UAP1: variants seen among roughly 807,000 people sequenced by gnomAD.
UAP1 encodes the protein UDP-N-acetylhexosamine pyrophosphorylase.
In UAP1, 25 loss-of-function variants were observed where a neutral mutation model predicts 58.5. The observed-to-expected ratio is 0.43, with a 90% CI of 0.31 to 0.60. The LOEUF is 0.60. Among genes scored for constraint, UAP1 ranks in the 20% least tolerant of loss-of-function variants. The probability of loss-of-function intolerance (pLI) is 0.11; values close to 1 mark genes in which losing one functional copy is unlikely to be tolerated. For missense variants in UAP1, 575 were observed against 630.0 expected, an observed-to-expected ratio of 0.91 and a Z score of 0.93; for synonymous variants, 208 against 213.0, an observed-to-expected ratio of 0.98 and a Z score of 0.21.
intron 2 of UAP1, among the ~76,000 whole-genome samples, chr1:162,573,693 G>T (rs1018076663): frequency 6.6e-6 from 1 of 152,080 alleles, no homozygotes; most frequent in African/African-American, 2.4e-5. Flanking sequence ...GGCTGGGCAG[G>T]GTGGCTCATA....
At chr1:162,581,011 A>G (rs1325964406) in intron 4 of UAP1, among the ~76,000 whole-genome samples, 1 of 152,208 alleles carries the variant, frequency 6.6e-6, no homozygotes, top group East Asian at 1.9e-4. Context: ...ATATATTACT[A>G]AAAGGGGCTG....
At chr1:162,598,398 A>T (rs1655738328) in intron 10 of UAP1, among the ~76,000 whole-genome samples, 2 of 152,150 alleles carry the variant, frequency 1.3e-5, no homozygotes, top group South Asian at 4.1e-4. Flanking sequence ...AATTCGTGTT[A>T]TGGCTTTGCA....
intron 5 of UAP1, among the ~76,000 whole-genome samples, chr1:162,582,338 A>G (rs1185269079): frequency 1.3e-5 from 2 of 152,164 alleles, no homozygotes; most frequent in Non-Finnish European, 2.9e-5. Context: ...TAAGGGAGGA[A>G]AGGGGGCCGA....
At chr1:162,579,248 A>C (rs528093756) in intron 3 of UAP1, among the ~76,000 whole-genome samples, 180 bp from the exon 4 acceptor site, 1 of 152,378 alleles carries the variant, frequency 6.6e-6, no homozygotes, top group Admixed American at 6.5e-5. Flanking sequence ...GAAATTACTG[A>C]AAGAAATTCC....
chr1:162,561,985 C>T (rs1653168559), intron 1 of UAP1, among the ~76,000 whole-genome samples: 1 of 152,244 alleles, frequency 6.6e-6, no homozygotes, highest in Non-Finnish European at 1.5e-5. Flanking sequence ...CAGTCGCACC[C>T]CATCCTCCGC....
chr1:162,578,538 A>G (rs1053408630), intron 3 of UAP1, among the ~76,000 whole-genome samples: 2 of 152,216 alleles, frequency 1.3e-5, no homozygotes, highest in African/African-American at 4.8e-5. Context: ...AGTGGCCAAC[A>G]TTCTACTTAC....
At chr1:162,563,513 T>C (rs1445335133) in intron 1 of UAP1, among the ~76,000 whole-genome samples, 1 of 152,112 alleles carries the variant, frequency 6.6e-6, no homozygotes, top group Non-Finnish European at 1.5e-5. Flanking sequence ...TACAGGCGCG[T>C]GCCACCATGC....
chr1:162,589,197 T>TTTA (rs1193139228), intron 7 of UAP1, among the ~76,000 whole-genome samples: 11 of 62,586 alleles, frequency 1.8e-4, no homozygotes, highest in African/African-American at 4.5e-4. Flanking sequence ...ATATATTATA[T>TTTA]ATTATATTTA....
At chr1:162,591,989 A>G (rs1258199490) in intron 8 of UAP1, among the ~76,000 whole-genome samples, 2 of 152,210 alleles carry the variant, frequency 1.3e-5, no homozygotes, top group Non-Finnish European at 2.9e-5. Context: ...ACTGGCACCT[A>G]GAATTTCCCT....
intron 8 of UAP1, among the ~76,000 whole-genome samples, chr1:162,590,817 G>A (rs957210119): frequency 1.3e-5 from 2 of 149,274 alleles, no homozygotes; most frequent in African/African-American, 4.9e-5. Context: ...TTTTTTTTTG[G>A]TGTGCCATAT....
At chr1:162,574,761 A>G (rs1005585467) in intron 2 of UAP1, among the ~76,000 whole-genome samples, 15 of 152,186 alleles carry the variant, frequency 9.9e-5, no homozygotes, top group Admixed American at 3.9e-4. Flanking sequence ...ACTTTTGAAT[A>G]ATAAGATGGG....
At chr1:162,567,863 C>G (rs942232336) in intron 2 of UAP1, among the ~76,000 whole-genome samples, 5 of 152,146 alleles carry the variant, frequency 3.3e-5, no homozygotes, top group Middle Eastern at 3.4e-3. Flanking sequence ...GTGGTGTGAT[C>G]CTCACTCACT....
At chr1:162,564,582 A>T (rs969880006) in intron 1 of UAP1, among the ~76,000 whole-genome samples, 1 of 152,124 alleles carries the variant, frequency 6.6e-6, no homozygotes, top group Non-Finnish European at 1.5e-5. Context: ...TCATACCTGC[A>T]GTTGTCTTTT....
At chr1:162,589,524 T>C (rs1448364568) in intron 7 of UAP1, among the ~76,000 whole-genome samples, 2 of 151,390 alleles carry the variant, frequency 1.3e-5, no homozygotes, top group Non-Finnish European at 2.9e-5. Context: ...TAAAGAGTTG[T>C]CTCGTTTTGT....
intron 3 of UAP1, among the ~76,000 whole-genome samples, chr1:162,577,592 G>A (rs563562174): frequency 1.3e-5 from 2 of 151,244 alleles, no homozygotes; most frequent in East Asian, 3.9e-4. Flanking sequence ...GGGAATACAG[G>A]CACCTGCCAC....
At chr1:162,581,366 T>C (rs767327806) in exon 5 of UAP1, 2 of 1,614,152 alleles carry the variant, frequency 1.2e-6, no homozygotes. Context: ...TTTGGAGCAT[T>C]CATGTCTATT....
intron 3 of UAP1, among the ~76,000 whole-genome samples, chr1:162,579,135 G>C (rs1207689393): frequency 6.6e-6 from 1 of 152,134 alleles, no homozygotes; most frequent in African/African-American, 2.4e-5. Flanking sequence ...CTTTCACAGA[G>C]TTCTAAAATG....
intron 7 of UAP1, among the ~76,000 whole-genome samples, 192 bp downstream of exon 7, chr1:162,589,025 A>G (rs1655087744): frequency 7.0e-6 from 1 of 143,568 alleles, no homozygotes; most frequent in Non-Finnish European, 1.5e-5. Context: ...TGAGTTGCCT[A>G]TGAGTACAAC....
chr1:162,591,004 G>A (rs1213321417), intron 8 of UAP1, among the ~76,000 whole-genome samples: 1 of 150,450 alleles, frequency 6.6e-6, no homozygotes, highest in Non-Finnish European at 1.5e-5. Flanking sequence ...GCTCACTGCA[G>A]CCTCCACCTC....
Sources: allele counts gnomAD v4.1 joint callset (sites outside exome capture counted in the v4.1 genomes callset), GRCh38; gene constraint gnomAD v4.1.1; transcripts MANE v1.5; gene names NCBI Gene and HGNC (gene_info 2026-07-23, HGNC 2026-07-21).